TNRC6B: variants seen among roughly 807,000 people sequenced by gnomAD.
The protein encoded by TNRC6B is trinucleotide repeat containing adaptor 6B.
Under a neutral mutation model 203.6 loss-of-function variants are expected in TNRC6B, and 52 were observed. The observed-to-expected ratio is 0.26, with a 90% confidence interval of 0.20 to 0.32. TNRC6B has a LOEUF of 0.32. Among genes scored for constraint, TNRC6B ranks in the 10% least tolerant of loss-of-function variants. The pLI is 1.00. For missense variants in TNRC6B, 1,923 were observed against 2,286.2 expected (o/e 0.84, Z 3.24); for synonymous variants, 838 against 845.7 (o/e 0.99, Z 0.16).
At chr22:40,099,186 C>T (rs896351798) in intron 1 of TNRC6B, among the ~76,000 whole-genome samples, 2 of 150,286 alleles carry the variant, frequency 1.3e-5, no homozygotes, top group Admixed American at 6.7e-5. Flanking sequence ...GGAGGCAGAG[C>T]TTGTGGTGAG....
intron 6 of TNRC6B, among the ~76,000 whole-genome samples, chr22:40,270,750 C>T (rs545458961): frequency 2.6e-5 from 4 of 152,092 alleles, no homozygotes; most frequent in African/African-American, 7.2e-5. Context: ...TAATAGCAAA[C>T]GGTTGTGGCT....
At chr22:40,172,696 G>A (rs1164787600) in intron 4 of TNRC6B, among the ~76,000 whole-genome samples, 1 of 152,166 alleles carries the variant, frequency 6.6e-6, no homozygotes, top group African/African-American at 2.4e-5. Context: ...AAGAAAGTAG[G>A]AAGCTTTTCC....
intron 1 of TNRC6B, among the ~76,000 whole-genome samples, chr22:40,213,147 A>G (rs6001842): frequency 0.68 from 103,057 of 152,102 alleles, 36,742 homozygotes; most frequent in African/African-American, 0.9. Context: ...AACTCCTGCC[A>G]CACCTGGAGT....
chr22:40,321,413 G>T, intron 22 of TNRC6B, 184 bp downstream of exon 22: 1 of 676,364 alleles, frequency 1.5e-6, no homozygotes, highest in Non-Finnish European at 2.5e-6. Context: ...CCAAAGCTTG[G>T]ATTGTCCTGT....
intron 12 of TNRC6B, among the ~76,000 whole-genome samples, chr22:40,298,879 T>C (rs1178767751): frequency 6.6e-6 from 1 of 151,340 alleles, no homozygotes; most frequent in African/African-American, 2.4e-5. Flanking sequence ...GGCAGGAGAA[T>C]GGCGTGAACC....
intron 2 of TNRC6B, among the ~76,000 whole-genome samples, chr22:40,250,197 T>C (rs924099083): frequency 6.6e-6 from 1 of 152,276 alleles, no homozygotes; most frequent in Non-Finnish European, 1.5e-5. Flanking sequence ...TCACCCACAA[T>C]CTCAAAAATT....
intron 11 of TNRC6B, among the ~76,000 whole-genome samples, chr22:40,283,670 T>TA (rs1569053674): frequency 6.6e-6 from 1 of 152,140 alleles, no homozygotes; most frequent in Non-Finnish European, 1.5e-5. Context: ...CCATTCCAGA[T>TA]ATATCATAGT....
intron 1 of TNRC6B, among the ~76,000 whole-genome samples, chr22:40,225,443 T>C (rs908795713): frequency 1.3e-5 from 2 of 152,144 alleles, no homozygotes; most frequent in African/African-American, 4.8e-5. Flanking sequence ...AAAAACATAT[T>C]TGAGGCCGGG....
chr22:40,201,783 C>T (rs1377736100), intron 1 of TNRC6B, among the ~76,000 whole-genome samples: 1 of 151,910 alleles, frequency 6.6e-6, no homozygotes, highest in Non-Finnish European at 1.5e-5. Context: ...GCTCTACAAC[C>T]CAAAATGCTC....
rs970534141 is a variant in TNRC6B, at chr22:40,125,644, C to T, written c.-46-128C>T. 3.1e-5 allele frequency: 19 copies of T among 605,826 alleles called. 1 individual carries two copies. The Admixed American group carries it at 5.4e-4, about 17-fold the overall frequency. 37.5% of individuals were successfully genotyped at this position (605,826 alleles called of 1,614,324 possible). ...GCATGTGCATAGACACACACACACA[C>T]ACAAAGTTACTCAAAGTTACTTCAC... On this transcript the variant is annotated intron_variant, in intron 2 of 23. Transcript: ENST00000301923.
intron 1 of TNRC6B, among the ~76,000 whole-genome samples, chr22:40,054,084 G>T (rs577255857): frequency 2.0e-5 from 3 of 152,268 alleles, no homozygotes; most frequent in Admixed American, 1.3e-4. Context: ...GGGCGTGGTG[G>T]TGCCTGCCTG....
At chr22:40,297,928 C>T (rs2070966029) in intron 12 of TNRC6B, among the ~76,000 whole-genome samples, 1 of 151,962 alleles carries the variant, frequency 6.6e-6, no homozygotes, top group Non-Finnish European at 1.5e-5. Flanking sequence ...TGAGACCATC[C>T]TGGCTAACAT....
rs1199516198 is a variant in TNRC6B, at chr22:40,330,787, G to A, written c.*7546G>A. On this transcript the variant is annotated 3_prime_UTR_variant, in exon 23 of 23. Coordinates refer to ENST00000454349, the MANE Select transcript of TNRC6B (RefSeq NM_001162501.2). ...ATCCGTTGGATACAAACAAACAGAC[G>A]GTCAGCTTTAGTCATTAGGGAAGTC... 2 of 152,552 alleles carry A rather than the reference G, an allele frequency of 1.3e-5. No individual in the cohort carries two copies. Among genetic ancestry groups the A allele is most frequent in the African/African-American group, 2.4e-5 (1 of 41,426 alleles). 9.4% of individuals were successfully genotyped at this position (152,552 alleles called of 1,614,324 possible). A position where few individuals can be genotyped will look rare whatever the true frequency, so the allele number is the denominator to read the frequency against.
chr22:40,079,299 GGGTGTTACAGAGCT>G (rs2068046350), intron 1 of TNRC6B, among the ~76,000 whole-genome samples: 1 of 152,096 alleles, frequency 6.6e-6, no homozygotes, highest in South Asian at 2.1e-4. Flanking sequence ...GTGGGCGAGT[GGGTGTTACAGAGCT>G]CTCCAGGTAG....
chr22:40,064,879 A>G (rs942612411), intron 1 of TNRC6B, among the ~76,000 whole-genome samples: 2 of 152,008 alleles, frequency 1.3e-5, no homozygotes, highest in African/African-American at 4.8e-5. Flanking sequence ...GGCCTTCCAA[A>G]GTGCTGGGAT....
intron 1 of TNRC6B, 114 bp downstream of exon 1, chr22:40,178,254 G>A: frequency 8.1e-7 from 1 of 1,239,262 alleles, no homozygotes; most frequent in East Asian, 2.3e-5. Context: ...ACTGGCTTCA[G>A]ACATTTCGTG....
In TNRC6B at chr22:40,246,072, G is replaced by A. The variant is rs781502584; in HGVS notation, c.63G>A (p.Glu21=). 85 of 1,548,010 alleles carry A rather than the reference G, an allele frequency of 5.5e-5. No individual in the cohort carries two copies. Among genetic ancestry groups the A allele is most frequent in the Non-Finnish European group, 7.4e-5 (85 of 1,145,686 alleles). ...TGGAAGACAAGAAAAGGAAGAAAGA[G>A]GATAAAAAGAAAAAAGAAGCCACTC... The part of the protein sequence containing the change: ...QLMEDKKRKK[E]DKKKKEATQK... Residue 21 remains glutamate, a synonymous_variant, in exon 2 of 23, where the codon GAG becomes GAA. Coordinates refer to ENST00000454349, the MANE Select transcript of TNRC6B (RefSeq NM_001162501.2).
At chr22:40,143,838 A>T (rs964966783) in intron 3 of TNRC6B, among the ~76,000 whole-genome samples, 1 of 152,170 alleles carries the variant, frequency 6.6e-6, no homozygotes, top group African/African-American at 2.4e-5. Context: ...ACATCTTTCT[A>T]ATAAAAGTCT....
chr22:40,112,825 G>C (rs1318534074), intron 1 of TNRC6B, among the ~76,000 whole-genome samples: 1 of 152,136 alleles, frequency 6.6e-6, no homozygotes, highest in Non-Finnish European at 1.5e-5. Flanking sequence ...GCTTTTTCTA[G>C]AAGCTTGACT....
Sources: gnomAD v4.1 joint callset for allele counts (sites outside exome capture counted in the v4.1 genomes callset) on GRCh38, gnomAD v4.1.1 for gene constraint, MANE v1.5 for transcripts, NCBI Gene and HGNC (gene_info 2026-07-23, HGNC 2026-07-21) for gene names.